Variants in PITRM1 observed in about 807,000 individuals in gnomAD.
The protein encoded by PITRM1 is presequence protease, mitochondrial.
A neutral mutation model predicts 129.9 loss-of-function variants in PITRM1; 100 were observed. That is an observed-to-expected ratio of 0.77 (90% CI 0.65 to 0.91). PITRM1 has a LOEUF of 0.91. Ranked by LOEUF, PITRM1 falls within the 40% of genes least tolerant of loss-of-function variation. PITRM1 has a pLI of 0.00. For missense variants in PITRM1, 1,471 were observed against 1,318.3 expected (o/e 1.12, Z -1.79); for synonymous variants, 591 against 508.8 (o/e 1.16, Z -2.17).
chr10:3,165,253 C>G lies in PITRM1; in HGVS notation c.615G>C (p.Glu205Asp). 6.4e-7 allele frequency: 1 copy of G among 1,570,370 alleles called. No individual in the cohort carries two copies. The highest frequency in any genetic ancestry group is 8.6e-7 in the Non-Finnish European group (1 of 1,158,870). ...PLVFKGVVFN[E>D]MKGAFTDNER... ...GAAAACTTACAAACGCTCCCTTCAT[C>G]TCATTAAAGACGACTCCTTTAAAGA... Residue 205 changes from glutamate to aspartate, a missense_variant, in exon 6 of 27, where the codon GAG becomes GAC. Glu to Asp is a conservative substitution (Grantham distance 45, BLOSUM62 2). Coordinates refer to ENST00000224949, the MANE Select transcript of PITRM1 (RefSeq NM_014889.4).
Position 3,165,353 on chromosome 10 carries a change from AAG to A in PITRM1, c.534-21_534-20del, listed in dbSNP as rs749769334. On this transcript the variant is annotated intron_variant, in intron 5 of 26. Coordinates refer to ENST00000224949, the MANE Select transcript of PITRM1 (RefSeq NM_014889.4). ...TTCCTGCCTGAGGACAAATCATTAT[AAG>A]CTGATAGTGACTCAAATACTAAAGT... The A allele has an allele frequency of 4.8e-5, 77 of 1,596,332 alleles. 1 individual carries two copies. In the South Asian group the frequency reaches 7.9e-4, roughly 16 times the overall value.
In PITRM1 at chr10:3,172,702, G is replaced by A. The variant is rs1225012135; in HGVS notation, c.56+15C>T. 4 of 1,534,622 alleles carry A rather than the reference G, an allele frequency of 2.6e-6. No homozygotes were observed. The highest frequency in any genetic ancestry group is 1.4e-5 in the African/African-American group (1 of 71,622). On this transcript the variant is annotated intron_variant, in intron 1 of 26. Transcript: ENST00000224949. ...GGTACCAGCGCGCCGAGCGCCTCCC[G>A]TCGCAGCGTCTCACCCGCCGCTCAG...
intron 21 of PITRM1, among the ~76,000 whole-genome samples, chr10:3,144,768 G>A (rs1840673546): frequency 6.6e-6 from 1 of 152,110 alleles, no homozygotes; most frequent in Non-Finnish European, 1.5e-5. Flanking sequence ...TGGCACCACT[G>A]CACTCCAGCC....
chr10:3,159,041 T>A lies in PITRM1; in HGVS notation c.1009A>T (p.Ile337Phe). The change falls in exon 10 of 27, where the codon ATC becomes TTC. Residue 337 changes from isoleucine (I) to phenylalanine (F), a missense_variant and splice_region_variant. By Grantham distance (21) the Ile-to-Phe change is conservative. Transcript: ENST00000224949. ...TISVSFLLPDITDTFEAFTLS... is the reference protein window; with the variant it reads ...TISVSFLLPDFTDTFEAFTLS... ...GTGAAGGCTTCAAATGTGTCGGTGA[T>A]GCTGCATTGAAAAAAAAAGGAACGG... 6.2e-7 allele frequency: 1 copy of A among 1,608,326 alleles called. No homozygotes were observed. The highest frequency in any genetic ancestry group is 8.5e-7 in the Non-Finnish European group (1 of 1,178,088).
At chr10:3,167,112 A>C in intron 2 of PITRM1, 70 bp from the exon 3 acceptor site, 1 of 864,090 alleles carries the variant, frequency 1.2e-6, no homozygotes. Context: ...TATGTTCGAC[A>C]CACTGAGAAA....
chr10:3,168,862 G>C (rs1843101114), intron 2 of PITRM1, among the ~76,000 whole-genome samples: 1 of 121,612 alleles, frequency 8.2e-6, no homozygotes, highest in East Asian at 2.4e-4. Flanking sequence ...ACAAGCAAAA[G>C]GATTGCTTGA....
intron 21 of PITRM1, 117 bp downstream of exon 21, chr10:3,145,479 G>T: frequency 1.2e-6 from 1 of 815,666 alleles, no homozygotes; most frequent in Non-Finnish European, 1.9e-6. Context: ...TGCGTACGGG[G>T]GATATGAACC....
In PITRM1 at chr10:3,166,231, G is replaced by A. The variant is rs1842848746; in HGVS notation, c.416C>T (p.Thr139Ile). The change falls in exon 4 of 27, where the codon ACA becomes ATA. Residue 139 changes from threonine (T) to isoleucine (I), a missense_variant and splice_region_variant. By Grantham distance (89) the Thr-to-Ile change is moderately conservative (BLOSUM62 -1). Transcript: ENST00000224949. ...TCTGTTCAGGATGCTGGTCTTACCT[G>A]TGAAGGCGTTCATGAACGTGGAGAG... The part of the protein sequence containing the change: ...RSLSTFMNAF[T>I]ASDYTLYPFS... The A allele has an allele frequency of 6.2e-7, 1 of 1,609,352 alleles. No homozygotes were observed. The highest frequency in any genetic ancestry group is 8.5e-7 in the Non-Finnish European group (1 of 1,177,974).
Position 3,159,027 on chromosome 10 carries a change from A to T in PITRM1, c.1023T>A (p.Phe341Leu). Residue 341 changes from phenylalanine to leucine, a missense_variant, in exon 10 of 27, where the codon TTT becomes TTA. By Grantham distance (22) the Phe-to-Leu change is conservative. Transcript: ENST00000224949. ...SFLLPDITDT[F>L]EAFTLSLLSS... ...ACAGAAGACTTAATGTGAAGGCTTC[A>T]AATGTGTCGGTGATGCTGCATTGAA... 6.2e-7 allele frequency: 1 copy of T among 1,613,526 alleles called. No homozygotes were observed. Among genetic ancestry groups the T allele is most frequent in the Non-Finnish European group, 8.5e-7 (1 of 1,179,674 alleles).
chr10:3,154,453 TG>T (rs11290588), intron 14 of PITRM1, among the ~76,000 whole-genome samples: 95,823 of 151,938 alleles, frequency 0.63, 30,666 homozygotes, highest in Non-Finnish European at 0.7. Context: ...TCAGGATTGA[TG>T]GCATTTGGTG....
At chr10:3,163,924 A>G in intron 6 of PITRM1, 39 bp from the exon 7 acceptor site, 1 of 1,409,490 alleles carries the variant, frequency 7.1e-7, no homozygotes, top group Non-Finnish European at 9.8e-7. Flanking sequence ...GTATACATGT[A>G]AAATAATACA....
At chr10:3,160,053 T>A (rs1842320070) in intron 8 of PITRM1, 117 bp from the exon 9 acceptor site, 5 of 1,243,672 alleles carry the variant, frequency 4.0e-6, no homozygotes, top group Non-Finnish European at 5.7e-6. Context: ...TAACTTTCCT[T>A]TCAAACAAAT....
Position 3,172,648 on chromosome 10 carries a change from T to C in PITRM1, c.56+69A>G. ...GCGCAGGGACGAGGACCCCTACGCC[T>C]CCGGCCTGCCCTGGACCCTCCCCTC... On this transcript the variant is annotated intron_variant, in intron 1 of 26. Transcript: ENST00000224949. 5.0e-6 allele frequency: 7 copies of C among 1,411,010 alleles called. 1 individual carries two copies. In the South Asian group the frequency reaches 6.8e-5, roughly 14 times the overall value. 87.4% of individuals were successfully genotyped at this position (1,411,010 alleles called of 1,614,324 possible).
chr10:3,156,901 T>TA (rs1842027387), intron 13 of PITRM1, 29 bp downstream of exon 13: 1 of 1,430,958 alleles, frequency 7.0e-7, no homozygotes, highest in Admixed American at 2.6e-5. Flanking sequence ...ACTTCAAAAT[T>TA]AGAGAAATGA....
chr10:3,159,441 C>T (rs917550112), intron 9 of PITRM1, among the ~76,000 whole-genome samples: 4 of 152,126 alleles, frequency 2.6e-5, no homozygotes, highest in Admixed American at 1.3e-4. Context: ...GGCATGGTTC[C>T]GACCTAGTCT....
rs767947638 is a variant in PITRM1, at chr10:3,158,073, C to T, written c.1217G>A (p.Ser406Asn). The change falls in exon 11 of 27, where the codon AGC becomes AAC. Residue 406 changes from serine to asparagine, a missense_variant. Transcript: ENST00000224949. ...TTCATCAATCGTTCTGTCTATGAGGCTTCTGACGGTCTCAATGTCTTTCTC... is the reference window on the plus strand; with the variant it reads ...TTCATCAATCGTTCTGTCTATGAGGTTTCTGACGGTCTCAATGTCTTTCTC... ...IAEKDIETVR[S>N]LIDRTIDEVV... is the part of the protein sequence containing the mutation. 2 of 1,610,342 alleles carry T rather than the reference C, an allele frequency of 1.2e-6. No homozygotes were observed. The highest frequency in any genetic ancestry group is 2.7e-5 in the African/African-American group (2 of 74,888).
chr10:3,138,571 G>A, intron 25 of PITRM1: 2 of 604,878 alleles, frequency 3.3e-6, no homozygotes, highest in East Asian at 2.8e-5. Flanking sequence ...AGCGCCGCGT[G>A]AGGCTGATGA....
chr10:3,159,946 G>A lies in PITRM1; in HGVS notation c.919-10C>T. 4 of 1,578,314 alleles carry A rather than the reference G, an allele frequency of 2.5e-6. No homozygotes were observed. Among genetic ancestry groups the A allele is most frequent in the Non-Finnish European group, 3.5e-6 (4 of 1,156,286 alleles). On this transcript the variant is annotated splice_polypyrimidine_tract_variant and intron_variant, in intron 8 of 26. Coordinates refer to ENST00000224949, the MANE Select transcript of PITRM1 (RefSeq NM_014889.4). ...TTATCTGGAATTCCCTCTGTAAAAT[G>A]ACGTGACGTTGTGAGTAGGCACAGT...
intron 7 of PITRM1, among the ~76,000 whole-genome samples, chr10:3,161,118 C>T (rs1297532112): frequency 6.6e-6 from 1 of 151,960 alleles, no homozygotes; most frequent in Non-Finnish European, 1.5e-5. Flanking sequence ...TCTCAAACTC[C>T]TGGCCTCAAG....
Sources: gnomAD v4.1 joint callset for allele counts (sites outside exome capture counted in the v4.1 genomes callset) on GRCh38, gnomAD v4.1.1 for gene constraint, MANE v1.5 for transcripts, NCBI Gene and HGNC (gene_info 2026-07-23, HGNC 2026-07-21) for gene names.